The following COL6A6 variants were observed in gnomAD, a reference collection of about 807,000 sequenced individuals.
COL6A6 encodes collagen type VI alpha 6 chain, also known as collagen alpha-6(VI) chain.
In COL6A6, 183 loss-of-function variants were observed where a neutral mutation model predicts 208.6. The ratio of observed to expected loss-of-function variants is 0.88; its 90% confidence interval spans 0.78 to 0.99. COL6A6 has a LOEUF of 0.99. Ranked by LOEUF, COL6A6 falls within the 50% of genes least tolerant of loss-of-function variation. The pLI, the probability that COL6A6 is intolerant of heterozygous loss-of-function variation, is 0.00. For synonymous variants in COL6A6, 973 were observed against 1,011.8 expected, an observed-to-expected ratio of 0.96 and a Z score of 0.73; for missense variants, 2,816 against 2,815.2, an observed-to-expected ratio of 1.00 and a Z score of -0.01.
At chr3:130,663,534 G>A (rs934404416) in intron 35 of COL6A6, among the ~76,000 whole-genome samples, 1 of 152,158 alleles carries the variant, frequency 6.6e-6, no homozygotes, top group African/African-American at 2.4e-5. Context: ...CTGAAGAAAG[G>A]AATCATAAGG....
Position 130,591,035 on chromosome 3 carries a change from T to A in COL6A6, c.4219-6T>A. ...GCAAATGTTTTCTTCCTTTTCTTATTTCCAGGGACCTCCAGGTTTTAAAGG... is the reference window on the plus strand; with the variant it reads ...GCAAATGTTTTCTTCCTTTTCTTATATCCAGGGACCTCCAGGTTTTAAAGG... On this transcript the variant is annotated splice_region_variant and splice_polypyrimidine_tract_variant and intron_variant, in intron 12 of 36. Transcript: ENST00000358511. The A allele has an allele frequency of 6.4e-7, 1 of 1,570,664 alleles. No individual in the cohort carries two copies. Among genetic ancestry groups the A allele is most frequent in the Non-Finnish European group, 8.7e-7 (1 of 1,155,366 alleles).
At chr3:130,672,880 A>G (rs1300575061) in intron 36 of COL6A6, among the ~76,000 whole-genome samples, 3 of 151,550 alleles carry the variant, frequency 2.0e-5, no homozygotes, top group African/African-American at 7.3e-5. Context: ...GTGGTGGCAC[A>G]CACCTGTAGT....
chr3:130,555,459 T>G lies in COL6A6; in HGVS notation c.-31-4875T>G, dbSNP rs1329086019. ...TGTGTCAGTCTCCCCAGTGTCCCAGTCCCTTGCTAACAAATGATCCCCTGG... is the reference window on the plus strand; with the variant it reads ...TGTGTCAGTCTCCCCAGTGTCCCAGGCCCTTGCTAACAAATGATCCCCTGG... On this transcript the variant is annotated intron_variant, in intron 1 of 36. Coordinates refer to ENST00000358511, the MANE Select transcript of COL6A6 (RefSeq NM_001102608.3). Among the ~76,000 whole-genome samples, 4 of 152,104 alleles carry G rather than the reference T, an allele frequency of 2.6e-5. No homozygotes were observed. In the East Asian group the frequency reaches 7.7e-4, roughly 29 times the overall value.
intron 36 of COL6A6, among the ~76,000 whole-genome samples, chr3:130,673,632 G>C (rs1425923436): frequency 1.3e-5 from 2 of 152,118 alleles, no homozygotes; most frequent in Non-Finnish European, 2.9e-5. Context: ...TGGGGAATTT[G>C]AGTTTATAAT....
chr3:130,658,509 G>C (rs931365831), intron 33 of COL6A6, among the ~76,000 whole-genome samples, 167 bp from the exon 34 acceptor site: 1 of 152,136 alleles, frequency 6.6e-6, no homozygotes, highest in Non-Finnish European at 1.5e-5. Flanking sequence ...GAGAGTCAAG[G>C]TTTAAACCCA....
intron 35 of COL6A6, among the ~76,000 whole-genome samples, chr3:130,664,291 A>G (rs1459294748): frequency 6.6e-6 from 1 of 152,240 alleles, no homozygotes; most frequent in Non-Finnish European, 1.5e-5. Context: ...TTCAGTCCAG[A>G]GCACACAGTC....
chr3:130,538,707 G>A (rs2062282356), intron 1 of COL6A6, among the ~76,000 whole-genome samples: 1 of 152,178 alleles, frequency 6.6e-6, no homozygotes, highest in Admixed American at 6.5e-5. Context: ...TTAACTACTA[G>A]CCTACACAGC....
At chr3:130,623,906 A>C (rs2064810154) in intron 24 of COL6A6, among the ~76,000 whole-genome samples, 1 of 152,206 alleles carries the variant, frequency 6.6e-6, no homozygotes, top group Non-Finnish European at 1.5e-5. Flanking sequence ...GAGTTCAAGA[A>C]GGGAGGTGAA....
chr3:130,581,655 T>G lies in COL6A6; in HGVS notation c.3642T>G (p.Leu1214=). ...LEGQPWMETY[L]QDILRAISSL... ...GTCAGCCTTGGATGGAAACCTACCT[T>G]CAAGACATCTTACGTGCCATCAGCT... is the stretch of plus-strand genomic sequence containing the variant. The change falls in exon 9 of 37, where the codon CTT becomes CTG. Residue 1214 remains leucine (L), a synonymous_variant. Coordinates refer to ENST00000358511, the MANE Select transcript of COL6A6 (RefSeq NM_001102608.3). The G allele has an allele frequency of 6.2e-7, 1 of 1,613,966 alleles. No homozygotes were observed. The highest frequency in any genetic ancestry group is 1.3e-5 in the African/African-American group (1 of 75,048).
intron 1 of COL6A6, among the ~76,000 whole-genome samples, chr3:130,527,890 C>CTTTTTTTTTTTTTTT (rs56110472): frequency 1.7e-4 from 10 of 57,816 alleles, no homozygotes; most frequent in Admixed American, 4.4e-4. Context: ...GTTACTTTTC[C>CTTTTTTTTTTTTTTT]TTTTTTTTTT....
At chr3:130,570,621 C>T (rs572609971) in intron 6 of COL6A6, among the ~76,000 whole-genome samples, 197 bp from the exon 7 acceptor site, 7 of 152,306 alleles carry the variant, frequency 4.6e-5, no homozygotes, top group African/African-American at 1.7e-4. Flanking sequence ...ATCTTACAAG[C>T]TCACCTAAGT....
At chr3:130,592,403 A>G (rs1341704495) in intron 13 of COL6A6, 138 bp from the exon 14 acceptor site, 1 of 664,380 alleles carries the variant, frequency 1.5e-6, no homozygotes, top group African/African-American at 1.8e-5. Context: ...TTCTACTCTT[A>G]GTTTTTATAA....
chr3:130,554,055 G>T (rs964875587), intron 1 of COL6A6, among the ~76,000 whole-genome samples: 2 of 152,156 alleles, frequency 1.3e-5, no homozygotes, highest in African/African-American at 4.8e-5. Flanking sequence ...GCCCCTTGAG[G>T]TTAGGAACCT....
chr3:130,642,881 G>C lies in COL6A6; in HGVS notation c.5190+14G>C. ...GCTTCATTTTCTGTACGTATCTCCC[G>C]ACTACAACAGAGTGCTCTGAGTGCT... On this transcript the variant is annotated intron_variant, in intron 30 of 36. Transcript: ENST00000358511. 6.2e-7 allele frequency: 1 copy of C among 1,613,768 alleles called. No homozygotes were observed. The highest frequency in any genetic ancestry group is 1.3e-5 in the African/African-American group (1 of 75,030).
chr3:130,534,889 G>T (rs971788880), intron 1 of COL6A6, among the ~76,000 whole-genome samples: 3 of 151,892 alleles, frequency 2.0e-5, no homozygotes, highest in African/African-American at 7.3e-5. Flanking sequence ...TCTCATTTTT[G>T]AATTATAATG....
At chr3:130,522,624 T>C (rs898191976) in intron 1 of COL6A6, among the ~76,000 whole-genome samples, 4 of 152,144 alleles carry the variant, frequency 2.6e-5, no homozygotes, top group Non-Finnish European at 1.5e-5. Context: ...CACTTGAAGA[T>C]TTGTTTGCAC....
chr3:130,658,664 T>C lies in COL6A6; in HGVS notation c.5734-12T>C. 1 of 1,600,238 alleles carries C rather than the reference T, an allele frequency of 6.2e-7. No homozygotes were observed. The highest frequency in any genetic ancestry group is 1.3e-5 in the African/African-American group (1 of 74,796). On this transcript the variant is annotated splice_polypyrimidine_tract_variant and intron_variant, in intron 33 of 36. Coordinates refer to ENST00000358511, the MANE Select transcript of COL6A6 (RefSeq NM_001102608.3). ...CCCACTAAGTTCTTTCTGCTGCTTC[T>C]GCTTCTTTTAGATTGACGACACTGG...
chr3:130,628,199 T>TTC (rs1393662939), intron 26 of COL6A6, among the ~76,000 whole-genome samples: 16 of 152,178 alleles, frequency 1.1e-4, no homozygotes, highest in Admixed American at 4.6e-4. Context: ...AATGAGGGAT[T>TTC]TCCAGTGAAA....
chr3:130,539,588 G>C (rs1031912048), intron 1 of COL6A6, among the ~76,000 whole-genome samples: 19 of 147,912 alleles, frequency 1.3e-4, no homozygotes, highest in Non-Finnish European at 1.6e-4. Context: ...GAGCCAAGTC[G>C]CGTCACTGCA....
Sources: gnomAD v4.1 joint callset for allele counts (sites outside exome capture counted in the v4.1 genomes callset) on GRCh38, gnomAD v4.1.1 for gene constraint, MANE v1.5 for transcripts, NCBI Gene and HGNC (gene_info 2026-07-23, HGNC 2026-07-21) for gene names.